The following COA8 variants were observed in gnomAD, a reference collection of about 807,000 sequenced individuals.
The protein encoded by COA8 is cytochrome c oxidase assembly factor 8.
Under a neutral mutation model 22.0 loss-of-function variants are expected in COA8, and 20 were observed. The ratio of observed to expected loss-of-function variants is 0.91; its 90% confidence interval spans 0.64 to 1.32. COA8 has a LOEUF of 1.32. Among genes scored for constraint, COA8 ranks in the 40% most tolerant of loss-of-function variants. The pLI is 0.00. For missense variants in COA8, 266 were observed against 230.0 expected (o/e 1.16, Z -1.01); for synonymous variants, 105 against 79.9 (o/e 1.31, Z -1.68).
intron 1 of COA8, among the ~76,000 whole-genome samples, chr14:103,567,784 G>A (rs990507948): frequency 1.3e-5 from 2 of 152,226 alleles, no homozygotes; most frequent in Non-Finnish European, 2.9e-5. Flanking sequence ...GTTGACTAGG[G>A]CCTTAAAGAT....
In COA8 at chr14:103,563,041, C is replaced by A. The variant is rs2274268; in HGVS notation, c.40C>A (p.Pro14Thr). The change falls in exon 1 of 5, where the codon CCT (proline) becomes ACT (threonine). Residue 14 changes from proline to threonine, a missense_variant. Pro to Thr is a conservative substitution (Grantham distance 38). Coordinates refer to ENST00000409074, the MANE Select transcript of COA8 (RefSeq NM_001370595.2). ...LRAGKKTFLPPLCRAFACRGC... is the reference protein window; with the variant it reads ...LRAGKKTFLPTLCRAFACRGC... The stretch of plus-strand genomic sequence containing the variant: ...GGCGGGGAAGAAGACCTTTCTCCCC[C>A]CTCTCTGCCGCGCCTTCGCCTGCCG... The A allele has an allele frequency of 2.9e-3, 4,541 of 1,543,774 alleles. 10 individuals are homozygous for A. The highest frequency in any genetic ancestry group is 3.7e-3 in the Non-Finnish European group (4,214 of 1,150,230).
At chr14:103,572,191 G>A (rs927360771) in intron 2 of COA8, among the ~76,000 whole-genome samples, 6 of 151,988 alleles carry the variant, frequency 3.9e-5, no homozygotes, top group Non-Finnish European at 8.8e-5. Context: ...CCACTTGAGG[G>A]TGCTAGGTGT....
intron 3 of COA8, among the ~76,000 whole-genome samples, chr14:103,577,158 C>T (rs1310832860): frequency 6.6e-6 from 1 of 152,124 alleles, no homozygotes; most frequent in Non-Finnish European, 1.5e-5. Context: ...GCAGTCTCCA[C>T]CTCCGGGTTC....
chr14:103,579,780 A>G (rs891369378), intron 3 of COA8, among the ~76,000 whole-genome samples: 2 of 151,384 alleles, frequency 1.3e-5, no homozygotes, highest in Non-Finnish European at 2.9e-5. Context: ...CTGGCCAACA[A>G]TGTGAAATCC....
chr14:103,582,002 A>G (rs1338742666), intron 3 of COA8, among the ~76,000 whole-genome samples: 2 of 152,180 alleles, frequency 1.3e-5, no homozygotes, highest in Admixed American at 1.3e-4. Flanking sequence ...TAGCTGTGCC[A>G]CAGGGTGGTA....
At chr14:103,577,628 C>G (rs988821840) in intron 3 of COA8, among the ~76,000 whole-genome samples, 5 of 152,090 alleles carry the variant, frequency 3.3e-5, no homozygotes, top group African/African-American at 1.2e-4. Flanking sequence ...CCTGTAATCC[C>G]ACCACTTTGT....
At chr14:103,587,139 A>G (rs2151187858) in intron 3 of COA8, 135 bp from the exon 4 acceptor site, 1 of 563,938 alleles carries the variant, frequency 1.8e-6, no homozygotes, top group Admixed American at 3.2e-5. Flanking sequence ...GCTAGTGTAT[A>G]GAAATACAAT....
intron 4 of COA8, among the ~76,000 whole-genome samples, chr14:103,589,472 G>T (rs750118741): frequency 3.3e-5 from 5 of 152,066 alleles, no homozygotes; most frequent in Non-Finnish European, 7.4e-5. Context: ...GGCTCTCTTG[G>T]ATCTTTTAGC....
chr14:103,583,900 G>A (rs749188613), intron 3 of COA8, among the ~76,000 whole-genome samples: 70 of 152,352 alleles, frequency 4.6e-4, no homozygotes, highest in Admixed American at 1.8e-3. Context: ...TCAGAAAGGT[G>A]TTTTACTTAC....
In COA8 at chr14:103,563,040, C is replaced by A. The variant is rs1359048993; in HGVS notation, c.39C>A (p.Pro13=). 7.8e-6 allele frequency: 12 copies of A among 1,545,492 alleles called. No individual in the cohort carries two copies. Among genetic ancestry groups the A allele is most frequent in the Non-Finnish European group, 1.0e-5 (12 of 1,151,246 alleles). The change falls in exon 1 of 5, where the codon CCC becomes CCA. Residue 13 remains proline (P), a synonymous_variant. Transcript: ENST00000409074. ...VLRAGKKTFL[P]PLCRAFACRG... is the part of the protein sequence containing the mutation. The stretch of plus-strand genomic sequence containing the variant: ...GGGCGGGGAAGAAGACCTTTCTCCC[C>A]CCTCTCTGCCGCGCCTTCGCCTGCC...
intron 4 of COA8, among the ~76,000 whole-genome samples, chr14:103,588,496 T>A (rs1056504439): frequency 3.3e-4 from 50 of 151,244 alleles, no homozygotes; most frequent in African/African-American, 9.9e-4. Flanking sequence ...TATATATATA[T>A]AAAACAGTTC....
At chr14:103,576,402 C>T (rs2076230865) in intron 3 of COA8, among the ~76,000 whole-genome samples, 1 of 152,150 alleles carries the variant, frequency 6.6e-6, no homozygotes, top group Non-Finnish European at 1.5e-5. Flanking sequence ...ACAGACTCAC[C>T]ATTATCTGGA....
At chr14:103,563,368 C>G (rs1566975697) in intron 1 of COA8, 1 of 679,986 alleles carries the variant, frequency 1.5e-6, no homozygotes, top group East Asian at 2.8e-5. Context: ...TTAAGCGTAA[C>G]AGAGTCACCT....
intron 1 of COA8, among the ~76,000 whole-genome samples, chr14:103,564,014 ATAG>A (rs1304832882): frequency 6.6e-6 from 1 of 152,104 alleles, no homozygotes; most frequent in Non-Finnish European, 1.5e-5. Flanking sequence ...TTAGCTGGGC[ATAG>A]TGGCGCGCGC....
intron 1 of COA8, among the ~76,000 whole-genome samples, chr14:103,570,826 AT>A (rs2076178467): frequency 6.6e-6 from 1 of 152,232 alleles, no homozygotes; most frequent in African/African-American, 2.4e-5. Flanking sequence ...TGGGGGCTAG[AT>A]TTTTTCAAAA....
chr14:103,563,230 G>T, intron 1 of COA8, 106 bp downstream of exon 1: 7 of 1,426,702 alleles, frequency 4.9e-6, no homozygotes, highest in Non-Finnish European at 6.7e-6. Context: ...TCAGGCCTTT[G>T]TCCAGGTGCT....
At chr14:103,573,822 G>C (rs909411768) in intron 2 of COA8, among the ~76,000 whole-genome samples, 1 of 152,178 alleles carries the variant, frequency 6.6e-6, no homozygotes, top group Non-Finnish European at 1.5e-5. Context: ...CAAAGTGCTG[G>C]CATTATGGGT....
At chr14:103,587,105 T>C (rs2076313535) in intron 3 of COA8, among the ~76,000 whole-genome samples, 169 bp from the exon 4 acceptor site, 2 of 152,262 alleles carry the variant, frequency 1.3e-5, no homozygotes, top group Non-Finnish European at 2.9e-5. Flanking sequence ...ATTGTTTTCT[T>C]GATTTCATTT....
chr14:103,587,903 A>T, intron 4 of COA8: 1 of 156,508 alleles, frequency 6.4e-6, no homozygotes, highest in Admixed American at 6.5e-5. Flanking sequence ...CCAGCACTTT[A>T]GGAGGCCAAG....
Sources: gnomAD v4.1 joint callset for allele counts (sites outside exome capture counted in the v4.1 genomes callset) on GRCh38, gnomAD v4.1.1 for gene constraint, MANE v1.5 for transcripts, NCBI Gene and HGNC (gene_info 2026-07-23, HGNC 2026-07-21) for gene names.